The following CSMD1 variants were observed in gnomAD, a reference collection of about 807,000 sequenced individuals.
The protein encoded by CSMD1 is CUB and sushi domain-containing protein 1.
A neutral mutation model predicts 417.5 loss-of-function variants in CSMD1; 213 were observed. That is an observed-to-expected ratio of 0.51 (90% CI 0.46 to 0.57). CSMD1 has a LOEUF of 0.57. Among genes scored for constraint, CSMD1 ranks in the 20% least tolerant of loss-of-function variants. The pLI is 0.00. For synonymous variants in CSMD1, 2,862 were observed against 1,736.8 expected (o/e 1.65, Z -16.11); for missense variants, 6,923 against 4,529.7 (o/e 1.53, Z -15.17).
At chr8:3,133,628 G>T (rs1395829110) in intron 41 of CSMD1, among the ~76,000 whole-genome samples, 1 of 152,132 alleles carries the variant, frequency 6.6e-6, no homozygotes, top group East Asian at 1.9e-4. Flanking sequence ...GGAGGGGCGG[G>T]CATAGAGCTT....
At chr8:4,761,295 G>A (rs953373293) in intron 1 of CSMD1, among the ~76,000 whole-genome samples, 6 of 151,392 alleles carry the variant, frequency 4.0e-5, no homozygotes. Context: ...AATGCACAAG[G>A]GATTTTGAAC....
At chr8:3,110,130 G>C in intron 43 of CSMD1, 28 bp downstream of exon 43, 1 of 1,563,130 alleles carries the variant, frequency 6.4e-7, no homozygotes, top group Non-Finnish European at 8.7e-7. Context: ...CACAATTACA[G>C]ATATTTTGAC....
intron 2 of CSMD1, among the ~76,000 whole-genome samples, chr8:4,587,270 T>C (rs1271481489): frequency 6.6e-6 from 1 of 152,298 alleles, no homozygotes; most frequent in East Asian, 1.9e-4. Context: ...TGGGAACTGA[T>C]GCATAGTTTG....
intron 28 of CSMD1, among the ~76,000 whole-genome samples, chr8:3,222,717 A>G (rs1269110437): frequency 1.3e-5 from 2 of 152,228 alleles, no homozygotes; most frequent in Non-Finnish European, 2.9e-5. Context: ...TATCTAAAAA[A>G]TATAGCCAGT....
intron 25 of CSMD1, among the ~76,000 whole-genome samples, chr8:3,299,988 A>T (rs1459583359): frequency 6.6e-6 from 1 of 152,172 alleles, no homozygotes; most frequent in Non-Finnish European, 1.5e-5. Flanking sequence ...ATTCATCATG[A>T]AAAGTGCCCT....
chr8:3,583,863 C>T (rs929567612), intron 9 of CSMD1, among the ~76,000 whole-genome samples: 1 of 151,698 alleles, frequency 6.6e-6, no homozygotes, highest in Non-Finnish European at 1.5e-5. Flanking sequence ...TTGAGGGTTT[C>T]TTATCCATCT....
At chr8:4,136,262 T>A (rs1803427491) in intron 3 of CSMD1, among the ~76,000 whole-genome samples, 2 of 152,244 alleles carry the variant, frequency 1.3e-5, no homozygotes, top group African/African-American at 4.8e-5. Flanking sequence ...GATTGTAACT[T>A]GAACACAGTC....
chr8:3,111,709 G>C (rs887769949), intron 42 of CSMD1, among the ~76,000 whole-genome samples: 8 of 152,072 alleles, frequency 5.3e-5, no homozygotes, highest in African/African-American at 1.4e-4. Flanking sequence ...GTGCACGCCT[G>C]TAATCCCAAG....
chr8:4,230,220 A>G (rs560660141), intron 3 of CSMD1, among the ~76,000 whole-genome samples: 2 of 152,330 alleles, frequency 1.3e-5, no homozygotes, highest in African/African-American at 4.8e-5. Flanking sequence ...CTCTAATCTT[A>G]ATAAATGTTT....
chr8:4,731,431 G>A (rs571493681), intron 1 of CSMD1, among the ~76,000 whole-genome samples: 1 of 152,160 alleles, frequency 6.6e-6, no homozygotes, highest in African/African-American at 2.4e-5. Context: ...GGAGTATCTT[G>A]GTCATTTATA....
rs1369620142 is a variant in CSMD1 at position 2,937,045 on chromosome 8, AATAAGT to A, written c.*1534_*1539del. 8.3e-4 allele frequency: 126 copies of A among 152,354 alleles called. No individual in the cohort carries two copies. Among genetic ancestry groups the A allele is most frequent in the African/African-American group, 2.8e-3 (118 of 41,582 alleles). 9.4% of individuals were successfully genotyped at this position (152,354 alleles called of 1,614,324 possible). On this transcript the variant is annotated 3_prime_UTR_variant, in exon 70 of 70. Transcript: ENST00000635120. ...TATCGTTTCAAAAATATTTTTATCA[AATAAGT>A]ATAAGTAAAAGTAAACATGATTTTC...
chr8:4,311,740 A>AAAAAAC, intron 3 of CSMD1, among the ~76,000 whole-genome samples: 1 of 139,454 alleles, frequency 7.2e-6, no homozygotes, highest in East Asian at 2.0e-4. Flanking sequence ...AAAAAAAAAA[A>AAAAAAC]GTAGAATCTA....
At chr8:3,907,244 A>G (rs1808174649) in intron 5 of CSMD1, among the ~76,000 whole-genome samples, 1 of 152,234 alleles carries the variant, frequency 6.6e-6, no homozygotes, top group African/African-American at 2.4e-5. Flanking sequence ...GTGGAAAAAT[A>G]TATTCAATTT....
chr8:4,857,065 T>C (rs1801844750), intron 1 of CSMD1, among the ~76,000 whole-genome samples: 1 of 148,026 alleles, frequency 6.8e-6, no homozygotes, highest in African/African-American at 2.5e-5. Flanking sequence ...TAACAAACTA[T>C]CTCTCAGACC....
intron 1 of CSMD1, among the ~76,000 whole-genome samples, chr8:4,826,639 G>T (rs972023985): frequency 1.2e-4 from 19 of 152,076 alleles, no homozygotes; most frequent in African/African-American, 1.7e-4. Context: ...ATTGCTGCAG[G>T]CACTTGCACC....
At chr8:3,004,512 T>C (rs1489001634) in intron 52 of CSMD1, among the ~76,000 whole-genome samples, 1 of 152,218 alleles carries the variant, frequency 6.6e-6, no homozygotes, top group Non-Finnish European at 1.5e-5. Flanking sequence ...GAGAAGCAAA[T>C]GGTTGAAGAA....
At chr8:3,081,303 A>C (rs2129003199) in intron 49 of CSMD1, among the ~76,000 whole-genome samples, 1 of 152,358 alleles carries the variant, frequency 6.6e-6, no homozygotes, top group Non-Finnish European at 1.5e-5. Context: ...GGAAGTTTAT[A>C]AATTGTATTT....
chr8:3,562,071 T>C (rs1287723030), intron 10 of CSMD1, among the ~76,000 whole-genome samples: 5 of 150,206 alleles, frequency 3.3e-5, no homozygotes, highest in African/African-American at 1.2e-4. Flanking sequence ...AGGTTTAGAG[T>C]AAAAATTCGG....
intron 5 of CSMD1, among the ~76,000 whole-genome samples, chr8:3,820,644 C>G (rs118147916): frequency 0.02 from 3,114 of 152,294 alleles, 48 homozygotes; most frequent in Non-Finnish European, 0.031. Context: ...GGCGTAATCT[C>G]GGCTCAGTGC....
Sources: allele counts gnomAD v4.1 joint callset (sites outside exome capture counted in the v4.1 genomes callset), GRCh38; gene constraint gnomAD v4.1.1; transcripts MANE v1.5; gene names NCBI Gene and HGNC (gene_info 2026-07-23, HGNC 2026-07-21).